Variants in CNTN5 observed in about 807,000 individuals in gnomAD.
CNTN5 encodes the protein contactin-5.
In CNTN5, 77 loss-of-function variants were observed where a neutral mutation model predicts 129.1. The ratio of observed to expected loss-of-function variants is 0.60; its 90% CI spans 0.50 to 0.72. The LOEUF (loss-of-function observed/expected upper bound fraction) is 0.72. CNTN5 is among the 30% of genes least tolerant of loss of function. CNTN5 has a pLI of 0.00. For synonymous variants in CNTN5, 509 were observed against 465.6 expected, an observed-to-expected ratio of 1.09 and a Z score of -1.20; for missense variants, 1,478 against 1,328.8, an observed-to-expected ratio of 1.11 and a Z score of -1.75.
chr11:99,281,513 C>T (rs1302443064), intron 1 of CNTN5, among the ~76,000 whole-genome samples: 1 of 151,938 alleles, frequency 6.6e-6, no homozygotes, highest in Non-Finnish European at 1.5e-5. Flanking sequence ...TTCTGCCTGA[C>T]CCTGCTTGTG....
intron 1 of CNTN5, among the ~76,000 whole-genome samples, chr11:99,210,558 T>G (rs1859716809): frequency 6.6e-6 from 1 of 152,178 alleles, no homozygotes; most frequent in Admixed American, 6.6e-5. Flanking sequence ...TGTTTAGGTA[T>G]CTTTTAGTTC....
rs12576518 is a variant in CNTN5 at position 99,150,869 on chromosome 11, C to T, written c.-210+129599C>T. On this transcript the variant is annotated intron_variant, in intron 1 of 24. Transcript: ENST00000524871. ...AAGAAACATTAAATTCAGGATACCT[C>T]ATAAGTAGATTGAAAGGATATTATT... Among the ~76,000 whole-genome samples, 240 of 152,044 alleles carry T rather than the reference C, an allele frequency of 1.6e-3. 1 individual carries two copies. The highest frequency in any genetic ancestry group is 0.012 in the Admixed American group (186 of 15,256).
At chr11:99,496,217 CTG>C (rs1010751257) in intron 2 of CNTN5, among the ~76,000 whole-genome samples, 23 of 152,084 alleles carry the variant, frequency 1.5e-4, no homozygotes, top group Middle Eastern at 3.2e-3. Context: ...AGGTCACACT[CTG>C]TGAAGTTTAA....
chr11:99,239,936 CAAA>C (rs386374626), intron 1 of CNTN5, among the ~76,000 whole-genome samples: 5 of 105,214 alleles, frequency 4.8e-5, no homozygotes, highest in African/African-American at 7.1e-5. Context: ...GACTCCGTCT[CAAA>C]AAAAAAAAAA....
At chr11:99,108,756 G>GA (rs1332225386) in intron 1 of CNTN5, among the ~76,000 whole-genome samples, 15 of 151,834 alleles carry the variant, frequency 9.9e-5, no homozygotes, top group African/African-American at 3.4e-4. Context: ...TATAGAAAAG[G>GA]AAAAAATCAG....
At chr11:100,004,137 C>G (rs1162811263) in intron 9 of CNTN5, among the ~76,000 whole-genome samples, 1 of 152,194 alleles carries the variant, frequency 6.6e-6, no homozygotes, top group Admixed American at 6.5e-5. Flanking sequence ...TCAGCAAGCA[C>G]ATGGTGCTCT....
intron 23 of CNTN5, among the ~76,000 whole-genome samples, chr11:100,344,969 A>C (rs1382086507): frequency 2.6e-5 from 4 of 152,164 alleles, no homozygotes; most frequent in Non-Finnish European, 4.4e-5. Flanking sequence ...AAAATTTTAA[A>C]GCTTATATTA....
intron 1 of CNTN5, among the ~76,000 whole-genome samples, chr11:99,229,542 A>AG (rs36078904): frequency 3.5e-5 from 2 of 56,704 alleles, no homozygotes; most frequent in African/African-American, 7.9e-5. Context: ...AAAAAAAAAA[A>AG]GGACACAGCA....
chr11:100,289,191 C>A (rs1351997651), intron 18 of CNTN5, among the ~76,000 whole-genome samples: 1 of 151,640 alleles, frequency 6.6e-6, no homozygotes, highest in Non-Finnish European at 1.5e-5. Flanking sequence ...CAAGGAGGAA[C>A]TGGTACCATT....
chr11:99,543,918 C>CA (rs1417154216), intron 2 of CNTN5, among the ~76,000 whole-genome samples: 2 of 23,154 alleles, frequency 8.6e-5, no homozygotes, highest in Admixed American at 5.4e-4. Flanking sequence ...GAGTCTGTCT[C>CA]AAAAAAACAA....
At chr11:99,753,411 C>T (rs1285369992) in intron 3 of CNTN5, among the ~76,000 whole-genome samples, 6 of 151,682 alleles carry the variant, frequency 4.0e-5, no homozygotes, top group African/African-American at 9.7e-5. Flanking sequence ...CGTGAGCCAC[C>T]GCGCCCGGCC....
chr11:100,354,980 C>G (rs981036867), intron 24 of CNTN5, among the ~76,000 whole-genome samples: 61 of 151,698 alleles, frequency 4.0e-4, no homozygotes, highest in Non-Finnish European at 5.9e-4. Flanking sequence ...AGGCCTATGA[C>G]TTTATTGTAC....
At chr11:99,465,202 C>A (rs890149242) in intron 2 of CNTN5, among the ~76,000 whole-genome samples, 1 of 152,150 alleles carries the variant, frequency 6.6e-6, no homozygotes, top group Non-Finnish European at 1.5e-5. Context: ...ATAAATACTT[C>A]ACCTATTTGT....
intron 15 of CNTN5, among the ~76,000 whole-genome samples, chr11:100,218,099 C>T (rs72985603): frequency 0.053 from 8,021 of 152,108 alleles, 265 homozygotes; most frequent in East Asian, 0.17. Flanking sequence ...TAATGATATG[C>T]GTCAATGAGC....
chr11:99,825,223 G>A (rs919755855), intron 4 of CNTN5, among the ~76,000 whole-genome samples: 2 of 151,858 alleles, frequency 1.3e-5, no homozygotes, highest in African/African-American at 2.4e-5. Flanking sequence ...GGATGTTTTC[G>A]CTTTTCCCTT....
intron 1 of CNTN5, among the ~76,000 whole-genome samples, chr11:99,185,863 TTTAAAAATAACCCATCAAAATTAA>T (rs1858324897): frequency 1.9e-5 from 2 of 102,922 alleles, no homozygotes; most frequent in Admixed American, 1.1e-4. Flanking sequence ...GTTATCACAA[TTTAAAAATAACCCATCAAAATTAA>T]GGAGAGGAAA....
In CNTN5 at chr11:100,270,964, A is replaced by G. The variant is rs1950396746; in HGVS notation, c.2165-128A>G. The stretch of plus-strand genomic sequence containing the variant: ...TACTAATGACACTGGAGGTGACACC[A>G]TGACCACGTGTCGTGAGGAAATATG... On this transcript the variant is annotated intron_variant, in intron 17 of 24. Transcript: ENST00000524871. 5.7e-6 allele frequency: 4 copies of G among 701,790 alleles called. No homozygotes were observed. In the South Asian group the frequency reaches 8.6e-5, roughly 15 times the overall value. 43.5% of individuals were successfully genotyped at this position (701,790 alleles called of 1,614,324 possible). A position where few individuals can be genotyped will look rare whatever the true frequency, so the allele number is the denominator to read the frequency against.
At chr11:100,051,268 T>TA (rs1025416482) in intron 9 of CNTN5, among the ~76,000 whole-genome samples, 4 of 151,986 alleles carry the variant, frequency 2.6e-5, no homozygotes, top group African/African-American at 9.7e-5. Flanking sequence ...GTCTTACCCC[T>TA]AAAAAAGACT....
chr11:99,771,488 G>A (rs1944944756), intron 3 of CNTN5, among the ~76,000 whole-genome samples: 2 of 151,876 alleles, frequency 1.3e-5, no homozygotes. Flanking sequence ...AGAAATTCTG[G>A]CATTTGTGAT....
Sources: gnomAD v4.1 joint callset for allele counts (sites outside exome capture counted in the v4.1 genomes callset) on GRCh38, gnomAD v4.1.1 for gene constraint, MANE v1.5 for transcripts, NCBI Gene and HGNC (gene_info 2026-07-23, HGNC 2026-07-21) for gene names.